PEAK1: variants seen among roughly 807,000 people sequenced by gnomAD.
PEAK1 encodes pseudopodium enriched atypical kinase 1.
In PEAK1, 54 loss-of-function variants were observed where a neutral mutation model predicts 124.7. The observed-to-expected ratio is 0.43, with a 90% confidence interval of 0.35 to 0.54. PEAK1 has a LOEUF of 0.54. Among genes scored for constraint, PEAK1 ranks in the 20% least tolerant of loss-of-function variants. The pLI is 0.01. For synonymous variants in PEAK1, 719 were observed against 760.0 expected, an observed-to-expected ratio of 0.95 and a Z score of 0.89; for missense variants, 2,046 against 2,134.5, an observed-to-expected ratio of 0.96 and a Z score of 0.82.
chr15:77,177,092 G>C (rs1041212418), intron 7 of PEAK1, among the ~76,000 whole-genome samples: 4 of 152,074 alleles, frequency 2.6e-5, no homozygotes, highest in African/African-American at 9.7e-5. Flanking sequence ...AAGTAGCTAG[G>C]ATTACAGGCA....
chr15:77,332,850 A>AT (rs199558808), intron 2 of PEAK1, among the ~76,000 whole-genome samples: 1 of 151,464 alleles, frequency 6.6e-6, no homozygotes, highest in Non-Finnish European at 1.5e-5. Flanking sequence ...AAGGCACTTC[A>AT]TTTTTTTTAA....
chr15:77,214,579 G>A (rs559412596), intron 6 of PEAK1, among the ~76,000 whole-genome samples: 4 of 149,300 alleles, frequency 2.7e-5, no homozygotes, highest in Non-Finnish European at 5.9e-5. Flanking sequence ...AGCCAAGATC[G>A]CACCACTACA....
intron 2 of PEAK1, among the ~76,000 whole-genome samples, chr15:77,359,439 C>CA (rs1209703888): frequency 0.024 from 2,240 of 94,442 alleles, 15 homozygotes; most frequent in African/African-American, 0.036. Flanking sequence ...GACCTTGTCT[C>CA]AAAAAAAAAA....
In PEAK1 at chr15:77,228,137, A is replaced by G. The variant is rs192349845; in HGVS notation, c.-115+24230T>C. Among the ~76,000 whole-genome samples the G allele has an allele frequency of 1.5e-3, 225 of 151,988 alleles. 1 individual carries two copies. The highest frequency in any genetic ancestry group is 5.2e-3 in the African/African-American group (217 of 41,512). ...TTTTATTTATTATTATTATTATACT[A>G]TAAGTTTTAGGGTACATGTGCACAA... On this transcript the variant is annotated intron_variant, in intron 6 of 9. Coordinates refer to ENST00000682557, the MANE Select transcript of PEAK1 (RefSeq NM_001385026.1).
chr15:77,167,929 G>A (rs1019622540), intron 7 of PEAK1, among the ~76,000 whole-genome samples: 2 of 150,780 alleles, frequency 1.3e-5, no homozygotes, highest in Admixed American at 6.6e-5. Flanking sequence ...GAGGTTCCCC[G>A]CCCTGTCTCC....
intron 2 of PEAK1, chr15:77,330,844 TCTA>T (rs1241926306): frequency 1.8e-5 from 3 of 164,492 alleles, no homozygotes; most frequent in Non-Finnish European, 2.5e-5. Flanking sequence ...CTGTTCTCTC[TCTA>T]CTAACTAGAA....
intron 9 of PEAK1, among the ~76,000 whole-genome samples, chr15:77,130,042 C>A (rs946901636): frequency 6.6e-6 from 1 of 152,172 alleles, no homozygotes; most frequent in Admixed American, 6.5e-5. Context: ...AACCTGCCAA[C>A]AACTCCTAGT....
chr15:77,411,000 G>A (rs1354937265), intron 1 of PEAK1, among the ~76,000 whole-genome samples: 1 of 152,056 alleles, frequency 6.6e-6, no homozygotes, highest in Admixed American at 6.5e-5. Flanking sequence ...AATGCAAAGG[G>A]GTTGAAATTA....
chr15:77,382,441 GTC>G (rs1488945585), intron 1 of PEAK1, among the ~76,000 whole-genome samples: 2 of 152,036 alleles, frequency 1.3e-5, no homozygotes, highest in East Asian at 3.8e-4. Flanking sequence ...CTTTCGCCTT[GTC>G]TGTGTGGCTA....
intron 2 of PEAK1, among the ~76,000 whole-genome samples, chr15:77,288,682 C>G (rs2063050948): frequency 6.6e-6 from 1 of 152,122 alleles, no homozygotes; most frequent in East Asian, 1.9e-4. Flanking sequence ...GTGGCTCATG[C>G]CTGTAATCCC....
chr15:77,333,854 G>T, intron 2 of PEAK1: 1 of 567,814 alleles, frequency 1.8e-6, no homozygotes, highest in Non-Finnish European at 2.2e-6. Context: ...ACTTCATAAT[G>T]CTACTCCTTC....
At chr15:77,365,754 A>AG (rs904544658) in intron 1 of PEAK1, among the ~76,000 whole-genome samples, 15 of 151,468 alleles carry the variant, frequency 9.9e-5, no homozygotes, top group Non-Finnish European at 1.8e-4. Flanking sequence ...AAAAAAAAAA[A>AG]AAAAAAAAAG....
chr15:77,298,632 T>C (rs1397364780), intron 2 of PEAK1, among the ~76,000 whole-genome samples: 1 of 152,128 alleles, frequency 6.6e-6, no homozygotes, highest in Non-Finnish European at 1.5e-5. Context: ...TTAAAGATTA[T>C]CCTTTCTAAA....
chr15:77,309,876 T>C (rs1382533034), intron 2 of PEAK1, among the ~76,000 whole-genome samples: 6 of 152,142 alleles, frequency 3.9e-5, no homozygotes, highest in Non-Finnish European at 7.4e-5. Flanking sequence ...CTTTAAATAT[T>C]CAAACAGGAC....
At chr15:77,287,823 A>G (rs942087051) in intron 2 of PEAK1, among the ~76,000 whole-genome samples, 2 of 152,334 alleles carry the variant, frequency 1.3e-5, no homozygotes, top group African/African-American at 4.8e-5. Context: ...AGTCCCTGTC[A>G]CAGCAGAACA....
At chr15:77,286,623 G>T in intron 2 of PEAK1, 119 bp from the exon 3 acceptor site, 2 of 459,216 alleles carry the variant, frequency 4.4e-6, no homozygotes, top group Non-Finnish European at 3.5e-6. Context: ...TATTCTATTT[G>T]ATGAACTTAT....
chr15:77,358,164 C>CCT (rs777461565), intron 2 of PEAK1, among the ~76,000 whole-genome samples: 3 of 151,688 alleles, frequency 2.0e-5, no homozygotes, highest in Non-Finnish European at 2.9e-5. Context: ...CTATTATTCT[C>CCT]CTCTCTCTCT....
intron 2 of PEAK1, chr15:77,350,404 C>A: frequency 1.0e-6 from 1 of 985,342 alleles, no homozygotes; most frequent in Non-Finnish European, 1.2e-6. Flanking sequence ...CAAGGACTAT[C>A]ACTGAATAGG....
chr15:77,378,512 T>A (rs2069217094), intron 1 of PEAK1, among the ~76,000 whole-genome samples: 1 of 152,174 alleles, frequency 6.6e-6, no homozygotes, highest in Admixed American at 6.5e-5. Context: ...TGTTATTTGT[T>A]CCATTTTAAA....
Sources: allele counts gnomAD v4.1 joint callset (sites outside exome capture counted in the v4.1 genomes callset), GRCh38; gene constraint gnomAD v4.1.1; transcripts MANE v1.5; gene names NCBI Gene and HGNC (gene_info 2026-07-23, HGNC 2026-07-21).